Variants in EVC2 observed in about 807,000 individuals in gnomAD.
EVC2 encodes the protein EvC ciliary complex subunit 2.
In EVC2, 148 loss-of-function variants were observed where a neutral mutation model predicts 149.3. That is an observed-to-expected ratio of 0.99 (90% confidence interval 0.87 to 1.14). The LOEUF (loss-of-function observed/expected upper bound fraction) is 1.14. Ranked by LOEUF, EVC2 falls within the 50% of genes most tolerant of loss-of-function variation. The pLI is 0.00. For missense variants in EVC2, 1,854 were observed against 1,627.3 expected (o/e 1.14, Z -2.40); for synonymous variants, 776 against 649.9 (o/e 1.19, Z -2.95).
intron 1 of EVC2, among the ~76,000 whole-genome samples, chr4:5,698,685 G>A (rs977899582): frequency 2.6e-5 from 4 of 152,218 alleles, no homozygotes. Context: ...CTATAGAAAT[G>A]CATGAAGCAT....
In EVC2 at chr4:5,614,650, G is replaced by A. The variant is rs181635871; in HGVS notation, c.2829+772C>T. 4.1e-4 allele frequency among the ~76,000 whole-genome samples: 63 copies of A among 152,274 alleles called. No homozygotes were observed. Among genetic ancestry groups the A allele is most frequent in the African/African-American group, 1.3e-3 (54 of 41,564 alleles). ...AAGAATACAGATTAAAGCATCCTAG[G>A]AGACTGTGTGGTGTGTGCTAGAACA... On this transcript the variant is annotated intron_variant, in intron 16 of 21. Coordinates refer to ENST00000344408, the MANE Select transcript of EVC2 (RefSeq NM_147127.5). This position sits in a 1 kb window ranked among gnomAD's most constrained non-coding sequence, Gnocchi z 4.7.
chr4:5,548,982 TTTCTTCCG>T (rs1465891138), intron 21 of EVC2, among the ~76,000 whole-genome samples: 1 of 111,428 alleles, frequency 9.0e-6, no homozygotes, highest in East Asian at 8.5e-4. Flanking sequence ...TCTTTCTTTC[TTTCTTCCG>T]TCCCTCCCTC....
chr4:5,692,340 A>C (rs1209638151), intron 3 of EVC2, among the ~76,000 whole-genome samples: 1 of 152,128 alleles, frequency 6.6e-6, no homozygotes, highest in Non-Finnish European at 1.5e-5. Context: ...ATAACCATAA[A>C]ATGTCTGTCA....
At chr4:5,543,269 G>A (rs1577085701) in intron 21 of EVC2, 1 of 1,185,544 alleles carries the variant, frequency 8.4e-7, no homozygotes. Flanking sequence ...TACCCACATT[G>A]TACCATCACC....
intron 16 of EVC2, among the ~76,000 whole-genome samples, chr4:5,608,701 T>A (rs772271932): frequency 9.2e-5 from 14 of 152,014 alleles, no homozygotes; most frequent in Non-Finnish European, 1.8e-4. Flanking sequence ...ACCCAGCTAA[T>A]TTTTTTGTAT....
At chr4:5,647,522 G>A (rs569439821) in intron 9 of EVC2, among the ~76,000 whole-genome samples, 25 of 152,234 alleles carry the variant, frequency 1.6e-4, no homozygotes, top group African/African-American at 5.3e-4. Context: ...TCTATGCAAC[G>A]AGCGCTTTGC....
chr4:5,693,099 T>C (rs936377390), intron 3 of EVC2, among the ~76,000 whole-genome samples: 2 of 152,138 alleles, frequency 1.3e-5, no homozygotes, highest in African/African-American at 4.8e-5. Context: ...ATATAGCATC[T>C]TGCAAACAAT....
intron 22 of EVC2, chr4:5,542,948 C>G: frequency 5.6e-6 from 2 of 358,132 alleles, no homozygotes; most frequent in South Asian, 4.4e-5. Context: ...ATGATTTTCT[C>G]TGCCCTGCAA....
downstream of EVC2, among the ~76,000 whole-genome samples, chr4:5,537,828 T>C (rs1478484684): frequency 1.3e-5 from 2 of 152,164 alleles, no homozygotes; most frequent in African/African-American, 4.8e-5. Context: ...AAATCCTATA[T>C]TTAGAAAAGA....
chr4:5,584,081 G>C (rs1256672549), intron 17 of EVC2, among the ~76,000 whole-genome samples: 1 of 151,530 alleles, frequency 6.6e-6, no homozygotes, highest in Non-Finnish European at 1.5e-5. Context: ...AAATGTGAGG[G>C]GTTTTTTCCT....
Position 5,696,690 on chromosome 4 carries a change from G to A in EVC2, c.283+903C>T, listed in dbSNP as rs949862927. Among the ~76,000 whole-genome samples the A allele has an allele frequency of 6.6e-6, 1 of 152,208 alleles. No homozygotes were observed. The highest frequency in any genetic ancestry group is 1.5e-5 in the Non-Finnish European group (1 of 68,040). On this transcript the variant is annotated intron_variant, in intron 2 of 21. Coordinates refer to ENST00000344408, the MANE Select transcript of EVC2 (RefSeq NM_147127.5). This position sits in a 1 kb window ranked among gnomAD's most constrained non-coding sequence, Gnocchi z 4.1. ...GGGAAGGAGAAAGGCAGAGCCGTAGGAGCATTGAGAACCTTGTGCTCCTGG... is the reference window on the plus strand; with the variant it reads ...GGGAAGGAGAAAGGCAGAGCCGTAGAAGCATTGAGAACCTTGTGCTCCTGG...
chr4:5,639,103 C>T (rs1256897098), intron 10 of EVC2, among the ~76,000 whole-genome samples: 1 of 151,980 alleles, frequency 6.6e-6, no homozygotes, highest in African/African-American at 2.4e-5. Flanking sequence ...TTCTTTACTG[C>T]TCATCCCCTG....
At chr4:5,699,010 C>T (rs1721661349) in intron 1 of EVC2, among the ~76,000 whole-genome samples, 1 of 152,192 alleles carries the variant, frequency 6.6e-6, no homozygotes, top group Non-Finnish European at 1.5e-5. Flanking sequence ...TGTTTCAGCC[C>T]CAGTCCTTAC....
chr4:5,548,692 G>C (rs986484280), intron 21 of EVC2, among the ~76,000 whole-genome samples: 3 of 151,892 alleles, frequency 2.0e-5, no homozygotes, highest in African/African-American at 7.3e-5. Flanking sequence ...ATGATTACAA[G>C]GTAAAATATG....
chr4:5,593,746 G>A lies in EVC2; in HGVS notation c.2830-8896C>T, dbSNP rs370525150. On this transcript the variant is annotated intron_variant, in intron 16 of 21. Transcript: ENST00000344408. Reference sequence around the variant, plus strand: ...GGACAGTGGGTACAGTGCACCGTGCGTGAGCCAAAGCAGGGAGAGGCATTG... The same window carrying A: ...GGACAGTGGGTACAGTGCACCGTGCATGAGCCAAAGCAGGGAGAGGCATTG... Among the ~76,000 whole-genome samples the A allele has an allele frequency of 5.1e-4, 78 of 152,286 alleles. 1 individual carries two copies. The highest frequency in any genetic ancestry group is 1.7e-3 in the African/African-American group (71 of 41,574).
chr4:5,664,729 A>T (rs1315416555), intron 8 of EVC2, among the ~76,000 whole-genome samples: 1 of 152,156 alleles, frequency 6.6e-6, no homozygotes, highest in Non-Finnish European at 1.5e-5. Flanking sequence ...GGGCAGGACT[A>T]AGCCCATCAG....
rs1307857695 is a variant in EVC2 at position 5,670,669 on chromosome 4, T to C, written c.871-5020A>G. Among the ~76,000 whole-genome samples, 3 of 145,376 alleles carry C rather than the reference T, an allele frequency of 2.1e-5. No individual in the cohort carries two copies. The highest frequency in any genetic ancestry group is 2.2e-4 in the South Asian group (1 of 4,542). On this transcript the variant is annotated intron_variant, in intron 7 of 21. Coordinates refer to ENST00000344408, the MANE Select transcript of EVC2 (RefSeq NM_147127.5). The surrounding 1 kb of genome is among the most constrained non-coding windows in gnomAD (Gnocchi z 5.2). ...CAACATTATCAATATGCCAATCACCTTCACCATGGCCATCACCACCATCAT... is the reference window on the plus strand; with the variant it reads ...CAACATTATCAATATGCCAATCACCCTCACCATGGCCATCACCACCATCAT...
intron 9 of EVC2, among the ~76,000 whole-genome samples, chr4:5,642,638 G>A (rs1265669944): frequency 1.3e-5 from 2 of 152,180 alleles, no homozygotes; most frequent in African/African-American, 4.8e-5. Context: ...TGGGTCAGAT[G>A]TCAGCGACAT....
At chr4:5,600,911 A>G (rs1279095881) in intron 16 of EVC2, among the ~76,000 whole-genome samples, 1 of 152,238 alleles carries the variant, frequency 6.6e-6, no homozygotes, top group Non-Finnish European at 1.5e-5. Context: ...TTAGGGAAGG[A>G]AACTCAGGCA....
Sources: gnomAD v4.1 joint callset for allele counts (sites outside exome capture counted in the v4.1 genomes callset) on GRCh38, gnomAD v4.1.1 for gene constraint, Gnocchi (gnomAD v3.1) non-coding constraint, MANE v1.5 for transcripts, NCBI Gene and HGNC (gene_info 2026-07-23, HGNC 2026-07-21) for gene names.